CDK15: variants seen among roughly 807,000 people sequenced by gnomAD.
CDK15 encodes cyclin dependent kinase 15, also known as cyclin-dependent kinase 15.
A neutral mutation model predicts 60.3 loss-of-function variants in CDK15; 62 were observed. That is an observed-to-expected ratio of 1.03 (90% CI 0.84 to 1.27). CDK15 has a LOEUF of 1.27. Among genes scored for constraint, CDK15 ranks in the 50% most tolerant of loss-of-function variants. CDK15 has a pLI of 0.00. For synonymous variants in CDK15, 194 were observed against 195.7 expected, an observed-to-expected ratio of 0.99 and a Z score of 0.07; for missense variants, 541 against 527.8, an observed-to-expected ratio of 1.03 and a Z score of -0.25.
At chr2:201,868,520 G>A (rs1465657671) in intron 10 of CDK15, among the ~76,000 whole-genome samples, 1 of 152,126 alleles carries the variant, frequency 6.6e-6, no homozygotes, top group Non-Finnish European at 1.5e-5. Context: ...TCCAGAGCAG[G>A]CATTTTGCAC....
At chr2:201,851,954 C>T (rs375050983) in intron 9 of CDK15, among the ~76,000 whole-genome samples, 4 of 152,146 alleles carry the variant, frequency 2.6e-5, no homozygotes, top group Non-Finnish European at 5.9e-5. Context: ...CCACCGTGCC[C>T]GGCCCTTTGC....
chr2:201,856,482 T>TACTCTCTGGTCACAG (rs2105790669), intron 10 of CDK15, among the ~76,000 whole-genome samples: 1 of 152,358 alleles, frequency 6.6e-6, no homozygotes, highest in Non-Finnish European at 1.5e-5. Flanking sequence ...AGAAAAATGC[T>TACTCTCTGGTCACAG]ACTCTCTGGT....
At position 201,894,329 on chromosome 2, in the gene CDK15, A is replaced by G. The variant is rs1277437044; in HGVS notation, c.*1062A>G. The G allele has an allele frequency of 1.3e-5, 2 of 152,128 alleles. No individual in the cohort carries two copies. Among genetic ancestry groups the G allele is most frequent in the East Asian group, 1.9e-4 (1 of 5,194 alleles). The allele number at this position is 152,128 out of a possible 1,614,324, so 9.4% of individuals were successfully genotyped here. A position where few individuals can be genotyped will look rare whatever the true frequency, so the allele number is the denominator to read the frequency against. On this transcript the variant is annotated 3_prime_UTR_variant, in exon 14 of 14. Transcript: ENST00000652192. Reference sequence around the variant, plus strand: ...ATTAAAAAATAGTAACTATCCCCCAATGTCTGAGATGGAAAAAGGAAAAAG... The same window carrying G: ...ATTAAAAAATAGTAACTATCCCCCAGTGTCTGAGATGGAAAAAGGAAAAAG...
At chr2:201,823,372 A>T (rs1000074776) in intron 5 of CDK15, among the ~76,000 whole-genome samples, 1 of 152,216 alleles carries the variant, frequency 6.6e-6, no homozygotes, top group Non-Finnish European at 1.5e-5. Flanking sequence ...GCCTCCAAGG[A>T]CACTTGGAGA....
chr2:201,885,510 C>T (rs528718216), intron 12 of CDK15, among the ~76,000 whole-genome samples: 12 of 152,210 alleles, frequency 7.9e-5, no homozygotes, highest in Non-Finnish European at 1.8e-4. Context: ...CCATAACACA[C>T]TTCCTCACCT....
At position 201,894,420 on chromosome 2, in the gene CDK15, G is replaced by A. The variant is rs190430506; in HGVS notation, c.*1153G>A. ...TGATTTTAGTAAGGCATTTGACAAA[G>A]ACTGTCCAGCTATACCTGAAAGATG... is the stretch of plus-strand genomic sequence containing the variant. On this transcript the variant is annotated 3_prime_UTR_variant, in exon 14 of 14. Coordinates refer to ENST00000652192, the MANE Select transcript of CDK15 (RefSeq NM_001366386.2). The A allele has an allele frequency of 8.5e-5, 13 of 152,330 alleles. No homozygotes were observed. The highest frequency in any genetic ancestry group is 1.9e-4 in the Non-Finnish European group (13 of 68,038). 9.4% of individuals were successfully genotyped at this position (152,330 alleles called of 1,614,324 possible). A position where few individuals can be genotyped will look rare whatever the true frequency, so the allele number is the denominator to read the frequency against.
chr2:201,858,874 G>A (rs2105794807), intron 10 of CDK15, among the ~76,000 whole-genome samples: 1 of 152,252 alleles, frequency 6.6e-6, no homozygotes, highest in East Asian at 1.9e-4. Context: ...CCTCAAAGAA[G>A]TGGGTGTTGC....
At position 201,814,537 on chromosome 2, in the gene CDK15, G is replaced by A. The variant is rs1368189360; in HGVS notation, c.448+1975G>A. Among the ~76,000 whole-genome samples the A allele has an allele frequency of 3.9e-5, 6 of 152,248 alleles. No individual in the cohort carries two copies. In the East Asian group the frequency reaches 1.2e-3, roughly 29 times the overall value. The stretch of plus-strand genomic sequence containing the variant: ...TATGAGGCTTTATTCGAAAACTTTG[G>A]CACTGTCCCATTTTTCCTGTAAGAA... On this transcript the variant is annotated intron_variant, in intron 4 of 13. Coordinates refer to ENST00000652192, the MANE Select transcript of CDK15 (RefSeq NM_001366386.2).
At chr2:201,811,441 T>C (rs993549652) in intron 3 of CDK15, among the ~76,000 whole-genome samples, 2 of 152,180 alleles carry the variant, frequency 1.3e-5, no homozygotes, top group South Asian at 4.1e-4. Context: ...TGAGCCACTG[T>C]GCCCGGCCTG....
At position 201,806,587 on chromosome 2, in the gene CDK15, A is replaced by T. The variant is rs1559109965; in HGVS notation, c.-78A>T. The T allele has an allele frequency of 6.9e-7, 1 of 1,455,604 alleles. No homozygotes were observed. 90.2% of individuals were successfully genotyped at this position (1,455,604 alleles called of 1,614,324 possible). ...AGCTCCACGCTGCTGACCTCTGGCA[A>T]AAAGGGAGAGAACAAGGATAGGAGA... On this transcript the variant is annotated 5_prime_UTR_variant, in exon 1 of 14. Coordinates refer to ENST00000652192, the MANE Select transcript of CDK15 (RefSeq NM_001366386.2).
At chr2:201,825,420 G>A (rs1696431783) in intron 6 of CDK15, among the ~76,000 whole-genome samples, 1 of 152,012 alleles carries the variant, frequency 6.6e-6, no homozygotes, top group Admixed American at 6.6e-5. Context: ...AATACTGTGG[G>A]AACACATAAT....
rs1016061362 is a variant in CDK15, at chr2:201,815,187, G to C, written c.448+2625G>C. On this transcript the variant is annotated intron_variant, in intron 4 of 13. Coordinates refer to ENST00000652192, the MANE Select transcript of CDK15 (RefSeq NM_001366386.2). ...GCTGGTCTTGAACTCCTGACCTCAA[G>C]TGATCTGCGTGTCTCAGCCTCCCAA... Among the ~76,000 whole-genome samples, 6 of 152,268 alleles carry C rather than the reference G, an allele frequency of 3.9e-5. No individual in the cohort carries two copies. In the East Asian group the frequency reaches 1.2e-3, roughly 29 times the overall value.
In CDK15 at chr2:201,890,790, T is replaced by C. The variant is rs1453537815; in HGVS notation, c.1204T>C (p.Ser402Pro). ...CTCTCTTTTCATTCCTACAGAGGAG[T>C]CTTTGTTTACAGTTTCAGGAGTGAG... is the stretch of plus-strand genomic sequence containing the variant. The part of the protein sequence containing the change: ...SQLYQLPDEE[S>P]LFTVSGVRLK... Residue 402 changes from serine (S) to proline (P), a missense_variant, in exon 13 of 14, where the codon TCT becomes CCT. Ser to Pro is a moderately conservative substitution (Grantham distance 74, BLOSUM62 -1). Coordinates refer to ENST00000652192, the MANE Select transcript of CDK15 (RefSeq NM_001366386.2). 1.9e-6 allele frequency: 3 copies of C among 1,609,238 alleles called. No homozygotes were observed. Among genetic ancestry groups the C allele is most frequent in the Non-Finnish European group, 2.5e-6 (3 of 1,177,116 alleles).
chr2:201,842,440 C>T (rs564050592), intron 8 of CDK15, among the ~76,000 whole-genome samples: 7 of 152,288 alleles, frequency 4.6e-5, no homozygotes, highest in Admixed American at 2.6e-4. Context: ...TCACATTTCT[C>T]GCTGCAAACT....
At chr2:201,825,156 T>C (rs1350855765) in intron 6 of CDK15, among the ~76,000 whole-genome samples, 3 of 151,546 alleles carry the variant, frequency 2.0e-5, no homozygotes, top group Non-Finnish European at 4.4e-5. Context: ...CTACTAAAGA[T>C]ACAAAAAATT....
chr2:201,874,909 G>A (rs758523389), intron 11 of CDK15, among the ~76,000 whole-genome samples: 2 of 152,094 alleles, frequency 1.3e-5, no homozygotes, highest in African/African-American at 4.8e-5. Context: ...GGTCTAGGGG[G>A]AAAACCAAAG....
intron 4 of CDK15, among the ~76,000 whole-genome samples, chr2:201,815,385 C>T (rs1695946651): frequency 6.6e-6 from 1 of 152,176 alleles, no homozygotes; most frequent in Non-Finnish European, 1.5e-5. Flanking sequence ...TAGAAATATT[C>T]ATTTAGCACC....
chr2:201,841,959 G>A (rs566188437), intron 8 of CDK15, among the ~76,000 whole-genome samples: 1 of 152,302 alleles, frequency 6.6e-6, no homozygotes, highest in African/African-American at 2.4e-5. Flanking sequence ...ATTAAATGGT[G>A]TGGTTTTTAG....
chr2:201,852,292 C>G (rs1274515167), intron 9 of CDK15, among the ~76,000 whole-genome samples: 3 of 152,122 alleles, frequency 2.0e-5, no homozygotes, highest in Non-Finnish European at 4.4e-5. Context: ...AGAAGTGCAT[C>G]CCTGAAAGCA....
Sources: gnomAD v4.1 joint callset for allele counts (sites outside exome capture counted in the v4.1 genomes callset) on GRCh38, gnomAD v4.1.1 for gene constraint, MANE v1.5 for transcripts, NCBI Gene and HGNC (gene_info 2026-07-23, HGNC 2026-07-21) for gene names.